RSRP1: variants seen among roughly 807,000 people sequenced by gnomAD.
RSRP1 encodes arginine/serine-rich protein 1.
In RSRP1, 37 loss-of-function variants were observed where a neutral mutation model predicts 33.0. The ratio of observed to expected loss-of-function variants is 1.12; its 90% confidence interval spans 0.86 to 1.48. The LOEUF (loss-of-function observed/expected upper bound fraction) is 1.48, where lower values mean the gene tolerates loss of function less well. Ranked by LOEUF, RSRP1 falls within the 40% of genes most tolerant of loss-of-function variation. RSRP1 has a pLI of 0.00. For synonymous variants in RSRP1, 167 were observed against 158.7 expected (o/e 1.05, Z -0.40); for missense variants, 402 against 385.3 (o/e 1.04, Z -0.36).
rs1343152299 is a variant in RSRP1, at chr1:25,300,448, A to C, written c.-67+37530T>G. ...GATTGCTTGAGCCTGGGAGTTGGAG[A>C]CTACAGTGAGCTGTGGCCACACCAC... is the stretch of plus-strand genomic sequence containing the variant. On this transcript the variant is annotated intron_variant, in intron 1 of 1. Coordinates refer to the RSRP1 transcript ENST00000561867. Among the ~76,000 whole-genome samples the C allele has an allele frequency of 1.2e-4, 15 of 126,506 alleles. 2 individuals carry two copies. Among genetic ancestry groups the C allele is most frequent in the African/African-American group, 4.1e-4 (15 of 36,536 alleles). 83.0% of individuals were successfully genotyped at this position (126,506 alleles called of 152,430 possible). A position where few individuals can be genotyped will look rare whatever the true frequency, so the allele number is the denominator to read the frequency against.
At chr1:25,336,513 TA>T (rs1392791463) in intron 1 of RSRP1, 2 of 147,142 alleles carry the variant, frequency 1.4e-5, no homozygotes, top group Non-Finnish European at 2.9e-5. Flanking sequence ...AATGACAAAT[TA>T]AGCATGTATC....
chr1:25,320,130 T>A lies in RSRP1; in HGVS notation c.-67+17848A>T, dbSNP rs188156603. On this transcript the variant is annotated intron_variant, in intron 1 of 1. Coordinates refer to the RSRP1 transcript ENST00000561867. ...TCATGCTGGTCTCGAACTCCTGACC[T>A]CAGGTGATCCGCCCACCTTGGCCTC... 1.8e-4 allele frequency among the ~76,000 whole-genome samples: 24 copies of A among 131,398 alleles called. 2 individuals carry two copies. The East Asian group carries it at 4.5e-3, about 25-fold the overall frequency. 86.2% of individuals were successfully genotyped at this position (131,398 alleles called of 152,430 possible).
rs1253781425 is a variant in RSRP1 at position 25,297,077 on chromosome 1, T to C, written c.-67+40901A>G. Among the ~76,000 whole-genome samples, 30 of 128,140 alleles carry C rather than the reference T, an allele frequency of 2.3e-4. 6 individuals carry two copies. Among genetic ancestry groups the C allele is most frequent in the Non-Finnish European group, 4.2e-4 (23 of 54,806 alleles). 84.1% of individuals were successfully genotyped at this position (128,140 alleles called of 152,430 possible). ...TTTTCTAGAAAAAAATATATATTTT[T>C]TGTGGTCGAGGATTACATCTTGCAT... On this transcript the variant is annotated intron_variant, in intron 1 of 1. Transcript: ENST00000561867.
chr1:25,304,976 C>T (rs1643684705), intron 1 of RSRP1, among the ~76,000 whole-genome samples: 2 of 132,420 alleles, frequency 1.5e-5, no homozygotes, highest in East Asian at 1.9e-4. Flanking sequence ...TTCATTCATT[C>T]ATCATTCCTT....
In RSRP1 at chr1:25,314,494, CCTT is replaced by C. The variant is rs567167537; in HGVS notation, c.-67+23481_-67+23483del. Among the ~76,000 whole-genome samples, 785 of 132,062 alleles carry C rather than the reference CCTT, an allele frequency of 5.9e-3. 110 individuals carry two copies. Among genetic ancestry groups the C allele is most frequent in the African/African-American group, 0.019 (734 of 38,836 alleles). The allele number at this position is 132,062 out of a possible 152,430, so 86.6% of individuals were successfully genotyped here. The stretch of plus-strand genomic sequence containing the variant: ...ATCCCACTTTGTGCGTTACCTTTTT[CCTT>C]CTTTCTTTCTTTTTGAAACAGAGTC... On this transcript the variant is annotated intron_variant, in intron 1 of 1. Transcript: ENST00000561867.
intron 1 of RSRP1, among the ~76,000 whole-genome samples, chr1:25,304,221 A>G (rs923621618): frequency 2.1e-5 from 2 of 93,446 alleles, no homozygotes; most frequent in Non-Finnish European, 5.1e-5. Context: ...ACAAATCTTC[A>G]TGGGTTTGAA....
chr1:25,244,975 A>G, intron 3 of RSRP1, 175 bp downstream of exon 3: 2 of 1,479,378 alleles, frequency 1.4e-6, no homozygotes, highest in South Asian at 1.4e-5. Flanking sequence ...AAAGCTCATT[A>G]ATCTCCCATT....
intron 1 of RSRP1, among the ~76,000 whole-genome samples, chr1:25,261,653 C>T (rs1171886926): frequency 6.6e-6 from 1 of 151,408 alleles, no homozygotes; most frequent in Non-Finnish European, 1.5e-5. Flanking sequence ...ATCCACCTGC[C>T]TCAGCCTCCC....
chr1:25,261,664 A>G (rs1276416021), intron 1 of RSRP1, among the ~76,000 whole-genome samples: 2 of 148,698 alleles, frequency 1.3e-5, no homozygotes, highest in Admixed American at 1.3e-4. Context: ...TCAGCCTCCC[A>G]AAGTGCTGGG....
At chr1:25,324,748 AAAGT>A (rs1240714023) in intron 1 of RSRP1, among the ~76,000 whole-genome samples, 1 of 149,290 alleles carries the variant, frequency 6.7e-6, no homozygotes, top group Non-Finnish European at 1.5e-5. Flanking sequence ...GCCCTGCATA[AAAGT>A]AAGTATGTCG....
At chr1:25,324,291 GA>G (rs1376016227) in intron 1 of RSRP1, among the ~76,000 whole-genome samples, 4 of 109,394 alleles carry the variant, frequency 3.7e-5, no homozygotes, top group African/African-American at 1.5e-4. Context: ...TCCTGTCTCT[GA>G]AAAAAAATAT....
chr1:25,297,437 C>G lies in RSRP1; in HGVS notation c.-67+40541G>C, dbSNP rs551224745. On this transcript the variant is annotated intron_variant, in intron 1 of 1. Transcript: ENST00000561867. Reference sequence around the variant, plus strand: ...TTTCCCCTTTGTAATTAATAAACATCTTGTGAGGAGATAATTTCCTATAGA... The same window carrying G: ...TTTCCCCTTTGTAATTAATAAACATGTTGTGAGGAGATAATTTCCTATAGA... 1.0e-4 allele frequency among the ~76,000 whole-genome samples: 11 copies of G among 107,164 alleles called. No homozygotes were observed. The East Asian group carries it at 2.2e-3, about 22-fold the overall frequency. 70.3% of individuals were successfully genotyped at this position (107,164 alleles called of 152,430 possible).
At chr1:25,275,395 C>T (rs1640875444) in intron 1 of RSRP1, among the ~76,000 whole-genome samples, 1 of 132,252 alleles carries the variant, frequency 7.6e-6, no homozygotes, top group African/African-American at 2.6e-5. Flanking sequence ...TAGTAAACAG[C>T]AGCGAGACAA....
At chr1:25,334,353 G>T (rs1645052735) in intron 1 of RSRP1, among the ~76,000 whole-genome samples, 1 of 132,440 alleles carries the variant, frequency 7.6e-6, no homozygotes, top group South Asian at 2.3e-4. Flanking sequence ...AGATGGAAGG[G>T]GTGGGTTCCC....
In RSRP1 at chr1:25,246,599, C is replaced by T; in HGVS notation, c.365G>A (p.Arg122Gln). 6.2e-7 allele frequency: 1 copy of T among 1,614,162 alleles called. No homozygotes were observed. The highest frequency in any genetic ancestry group is 8.5e-7 in the Non-Finnish European group (1 of 1,180,036). The change falls in exon 2 of 5, where the codon CGG becomes CAG. Residue 122 changes from arginine to glutamine, a missense_variant. Transcript: ENST00000243189. The stretch of plus-strand genomic sequence containing the variant: ...CGCCCTTCCGCAGTACGACCTTCCC[C>T]GAGAGCGCGACCTGCTACGGGACCG... ...RSRSRSRSRS[R>Q]GRSYCGRAYA...
At position 25,334,106 on chromosome 1, in the gene RSRP1, T is replaced by C. The variant is rs540811585; in HGVS notation, c.-67+3872A>G. 7.6e-5 allele frequency among the ~76,000 whole-genome samples: 10 copies of C among 131,372 alleles called. 1 individual carries two copies. In the South Asian group the frequency reaches 2.3e-3, roughly 31 times the overall value. 86.2% of individuals were successfully genotyped at this position (131,372 alleles called of 152,430 possible). A position where few individuals can be genotyped will look rare whatever the true frequency, so the allele number is the denominator to read the frequency against. ...CAAAAGTCCACAGTCTAATGTCTCA[T>C]CTGAGACAAGGCAAGTCCTTTCCAT... On this transcript the variant is annotated intron_variant, in intron 1 of 1. Coordinates refer to the RSRP1 transcript ENST00000561867.
intron 1 of RSRP1, among the ~76,000 whole-genome samples, chr1:25,291,161 TAGAC>T (rs377224052): frequency 0.024 from 2,939 of 124,102 alleles, 420 homozygotes; most frequent in African/African-American, 0.076. Flanking sequence ...GATAGATAGA[TAGAC>T]AGACAGACAG....
At chr1:25,320,009 C>T (rs1644612122) in intron 1 of RSRP1, among the ~76,000 whole-genome samples, 1 of 131,542 alleles carries the variant, frequency 7.6e-6, no homozygotes, top group Admixed American at 7.4e-5. Flanking sequence ...AGTGATTCTC[C>T]TGCCTCAGCC....
chr1:25,314,204 G>T lies in RSRP1; in HGVS notation c.-67+23774C>A, dbSNP rs1284513528. Among the ~76,000 whole-genome samples the T allele has an allele frequency of 2.3e-5, 3 of 132,984 alleles. 1 individual carries two copies. The highest frequency in any genetic ancestry group is 3.6e-5 in the Non-Finnish European group (2 of 56,114). The allele number at this position is 132,984 out of a possible 152,430, so 87.2% of individuals were successfully genotyped here. A position where few individuals can be genotyped will look rare whatever the true frequency, so the allele number is the denominator to read the frequency against. On this transcript the variant is annotated intron_variant, in intron 1 of 1. Transcript: ENST00000561867. ...GTTTGCGCCAATCTAATCACCAGTA[G>T]TGTATAGAAGCTCCTTTTACTCCAC... is the stretch of plus-strand genomic sequence containing the variant.
Sources: gnomAD v4.1 joint callset for allele counts (sites outside exome capture counted in the v4.1 genomes callset) on GRCh38, gnomAD v4.1.1 for gene constraint, MANE v1.5 for transcripts, NCBI Gene and HGNC (gene_info 2026-07-23, HGNC 2026-07-21) for gene names.